CST8: variants seen among roughly 807,000 people sequenced by gnomAD.
The protein encoded by CST8 is cystatin-8.
A neutral mutation model predicts 11.8 loss-of-function variants in CST8; 20 were observed. The ratio of observed to expected loss-of-function variants is 1.70; its 90% CI spans 1.20 to 2.47. The LOEUF (loss-of-function observed/expected upper bound fraction) is 2.47. Ranked by LOEUF, CST8 falls within the 30% of genes most tolerant of loss-of-function variation. The pLI is 0.00. For missense variants in CST8, 196 were observed against 167.2 expected (o/e 1.17, Z -0.95); for synonymous variants, 77 against 63.1 (o/e 1.22, Z -1.05).
chr20:23,499,629 T>C (rs901124476), downstream of CST8, among the ~76,000 whole-genome samples: 1 of 152,176 alleles, frequency 6.6e-6, no homozygotes, highest in African/African-American at 2.4e-5. Context: ...GCAATTCATG[T>C]GGTCTTGGAT....
chr20:23,494,023 G>A (rs1397569641), intron 3 of CST8, among the ~76,000 whole-genome samples: 1 of 152,166 alleles, frequency 6.6e-6, no homozygotes, highest in Non-Finnish European at 1.5e-5. Context: ...ACAGGAAATT[G>A]CAGGTACATT....
chr20:23,497,260 G>A (rs1327959983), downstream of CST8, among the ~76,000 whole-genome samples: 1 of 152,244 alleles, frequency 6.6e-6, no homozygotes, highest in Non-Finnish European at 1.5e-5. Flanking sequence ...ATGTTCTTCT[G>A]CCATGGCTTC....
At chr20:23,493,271 A>C (rs1175909165) in intron 3 of CST8, among the ~76,000 whole-genome samples, 200 bp downstream of exon 3, 1 of 152,118 alleles carries the variant, frequency 6.6e-6, no homozygotes, top group Non-Finnish European at 1.5e-5. Flanking sequence ...CTCATCCTTC[A>C]TCCTGCAGAA....
rs951656739 is a variant in CST8, at chr20:23,491,560, G to A, written c.-108G>A. On this transcript the variant is annotated 5_prime_UTR_variant, in exon 2 of 4. Transcript: ENST00000246012. ...GCTAACAGGAGGCAGTGTGTGGCTC[G>A]AAGATTCTTGAACCCACAGCAGCAG... The A allele has an allele frequency of 1.9e-5, 16 of 822,582 alleles. No homozygotes were observed. The highest frequency in any genetic ancestry group is 3.4e-5 in the African/African-American group (2 of 59,006). The allele number at this position is 822,582 out of a possible 1,614,324, so 51.0% of individuals were successfully genotyped here.
At chr20:23,506,274 G>A in the CST8 span, among the ~76,000 whole-genome samples, 3 of 152,134 alleles carry the variant, frequency 2.0e-5, no homozygotes, top group African/African-American at 2.4e-5. Flanking sequence ...ATGCCTATGC[G>A]AGGACACCAA....
downstream of CST8, among the ~76,000 whole-genome samples, chr20:23,499,938 A>G (rs751601943): frequency 2.6e-4 from 39 of 152,148 alleles, no homozygotes; most frequent in Non-Finnish European, 4.1e-4. Context: ...TAGCAGCAGC[A>G]TAGTGCTTCT....
downstream of CST8, among the ~76,000 whole-genome samples, chr20:23,498,544 G>A (rs762073740): frequency 2.6e-5 from 4 of 152,228 alleles, no homozygotes; most frequent in Admixed American, 6.5e-5. Context: ...GTTGGAGACT[G>A]TCGCCCTGCC....
At chr20:23,504,713 A>G in the CST8 span, among the ~76,000 whole-genome samples, 1 of 152,236 alleles carries the variant, frequency 6.6e-6, no homozygotes, top group Admixed American at 6.5e-5. Context: ...GAACACACCC[A>G]ATGACAAGCT....
downstream of CST8, among the ~76,000 whole-genome samples, chr20:23,500,337 C>G (rs1988152712): frequency 6.6e-6 from 1 of 152,120 alleles, no homozygotes. Flanking sequence ...CAGCATAGAG[C>G]TCAGAGCCAC....
the CST8 span, among the ~76,000 whole-genome samples, chr20:23,505,286 G>A: frequency 0.08 from 12,196 of 151,528 alleles, 665 homozygotes; most frequent in Admixed American, 0.13. Context: ...CTGGGACTAC[G>A]GGTGCCCGCC....
rs764168823 is a variant in CST8, at chr20:23,495,914, A to T, written c.429A>T (p.Ter143TyrextTer11). Reference protein sequence around the residue: ...TVMEKKCEDA* With the variant: ...TVMEKKCEDAY Reference sequence around the variant, plus strand: ...TGGAGAAAAAGTGTGAAGATGCTTAATGGTGTTTTGAGGCATCCCTCCAAC... The same window carrying T: ...TGGAGAAAAAGTGTGAAGATGCTTATTGGTGTTTTGAGGCATCCCTCCAAC... Residue 143 changes from the stop codon to tyrosine (Y), a stop_lost, in exon 4 of 4, where the codon TAA (stop) becomes TAT (tyrosine). Transcript: ENST00000246012. 7.5e-6 allele frequency: 12 copies of T among 1,606,910 alleles called. No homozygotes were observed. Among genetic ancestry groups the T allele is most frequent in the Non-Finnish European group, 1.0e-5 (12 of 1,177,340 alleles).
At chr20:23,492,195 T>A (rs1053269605) in intron 2 of CST8, among the ~76,000 whole-genome samples, 2 of 152,170 alleles carry the variant, frequency 1.3e-5, no homozygotes, top group African/African-American at 4.8e-5. Context: ...ATGCTAGCCA[T>A]GAGAAAAGAT....
the CST8 span, among the ~76,000 whole-genome samples, chr20:23,504,716 G>A: frequency 3.3e-5 from 5 of 152,114 alleles, no homozygotes; most frequent in South Asian, 8.3e-4. Context: ...CACACCCAAT[G>A]ACAAGCTTTA....
rs577383976 is a variant in CST8, at chr20:23,493,156, A to C, written c.345+85A>C. ...CTGAGGCACGCAGACCTTCTCTTTG[A>C]GGTCTGGGTGGCTCCCAGTGTTTAG... is the stretch of plus-strand genomic sequence containing the variant. On this transcript the variant is annotated intron_variant, in intron 3 of 3. Transcript: ENST00000246012. The C allele has an allele frequency of 4.6e-6, 4 of 868,238 alleles. No homozygotes were observed. The South Asian group carries it at 5.4e-5, about 12-fold the overall frequency. The allele number at this position is 868,238 out of a possible 1,614,324, so 53.8% of individuals were successfully genotyped here.
chr20:23,504,729 A>G, the CST8 span, among the ~76,000 whole-genome samples: 3 of 152,230 alleles, frequency 2.0e-5, no homozygotes, highest in African/African-American at 7.2e-5. Context: ...AAGCTTTACA[A>G]TGACTTCAAG....
At chr20:23,502,798 C>T in the CST8 span, among the ~76,000 whole-genome samples, 3 of 152,154 alleles carry the variant, frequency 2.0e-5, no homozygotes, top group East Asian at 1.9e-4. Context: ...CCTCCATTTA[C>T]GGTCTTCAGT....
Position 23,491,815 on chromosome 20 carries a change from T to C in CST8, c.148T>C (p.Trp50Arg), listed in dbSNP as rs529363305. The C allele has an allele frequency of 8.0e-5, 129 of 1,614,040 alleles. No homozygotes were observed. The highest frequency in any genetic ancestry group is 1.1e-4 in the Non-Finnish European group (127 of 1,180,030). The change falls in exon 2 of 4, where the codon TGG becomes CGG. Residue 50 changes from tryptophan (W) to arginine (R), a missense_variant. Physicochemically the swap from Trp to Arg is moderately radical, Grantham distance 101 (BLOSUM62 -3). Transcript: ENST00000246012. ...ASNANVKQCL[W>R]FAMQEYNKES... ...AAATGCCAACGTGAAGCAGTGTCTG[T>C]GGTTTGCCATGCAAGAATACAACAA...
At chr20:23,499,391 T>C (rs976652722), downstream of CST8, among the ~76,000 whole-genome samples, 6 of 152,214 alleles carry the variant, frequency 3.9e-5, no homozygotes, top group Non-Finnish European at 5.9e-5. Context: ...TTTAATGTCT[T>C]TTTGCTAAGA....
the CST8 span, among the ~76,000 whole-genome samples, chr20:23,502,404 C>T: frequency 6.6e-6 from 1 of 152,214 alleles, no homozygotes; most frequent in Non-Finnish European, 1.5e-5. Context: ...GCAGCGGAAT[C>T]TCACAATGCC....
Sources: allele counts gnomAD v4.1 joint callset (sites outside exome capture counted in the v4.1 genomes callset), GRCh38; gene constraint gnomAD v4.1.1; transcripts MANE v1.5; gene names NCBI Gene and HGNC (gene_info 2026-07-23, HGNC 2026-07-21).